The following SANBR variants were observed in gnomAD, a reference collection of about 807,000 sequenced individuals.
SANBR encodes SANT and BTB domain regulator of class switch recombination.
A neutral mutation model predicts 101.8 loss-of-function variants in SANBR; 77 were observed. That is an observed-to-expected ratio of 0.76 (90% CI 0.63 to 0.91). The LOEUF (loss-of-function observed/expected upper bound fraction) is 0.91, where lower values mean the gene tolerates loss of function less well. Ranked by LOEUF, SANBR falls within the 40% of genes least tolerant of loss-of-function variation. SANBR has a pLI of 0.00. For missense variants in SANBR, 875 were observed against 853.0 expected (o/e 1.03, Z -0.32); for synonymous variants, 279 against 274.7 (o/e 1.02, Z -0.15).
intron 8 of SANBR, among the ~76,000 whole-genome samples, chr2:61,084,562 CAAAT>C (rs1283448060): frequency 6.6e-6 from 1 of 152,082 alleles, no homozygotes; most frequent in African/African-American, 2.4e-5. Context: ...CATTTCTAAA[CAAAT>C]AAAAATTATT....
chr2:61,089,044 T>C (rs1682602116), intron 10 of SANBR: 6 of 966,666 alleles, frequency 6.2e-6, no homozygotes, highest in Non-Finnish European at 7.4e-6. Flanking sequence ...GTATTCTGGT[T>C]AGTGCCTTTA....
intron 13 of SANBR, among the ~76,000 whole-genome samples, chr2:61,104,395 T>C (rs1683446092): frequency 6.7e-6 from 1 of 149,538 alleles, no homozygotes; most frequent in African/African-American, 2.5e-5. Flanking sequence ...GGCAGGAGAA[T>C]GGCGTGAACC....
At chr2:61,072,971 TAC>T (rs1327654798) in intron 4 of SANBR, among the ~76,000 whole-genome samples, 2 of 151,830 alleles carry the variant, frequency 1.3e-5, no homozygotes, top group Non-Finnish European at 2.9e-5. Context: ...GAACTACACG[TAC>T]ATGCTACTGT....
intron 4 of SANBR, 37 bp from the exon 5 acceptor site, chr2:61,073,421 C>CTT (rs368466121): frequency 4.8e-4 from 421 of 868,350 alleles, no homozygotes; most frequent in South Asian, 1.1e-3. Flanking sequence ...TAACCCCCAC[C>CTT]TTTTTTTTTT....
In SANBR at chr2:61,118,059, C is replaced by T; in HGVS notation, c.1971C>T (p.His657=). 1 of 1,613,346 alleles carries T rather than the reference C, an allele frequency of 6.2e-7. No homozygotes were observed. The highest frequency in any genetic ancestry group is 1.3e-5 in the African/African-American group (1 of 74,912). Residue 657 remains histidine (H), a synonymous_variant, in exon 20 of 22, where the codon CAC becomes CAT. Coordinates refer to ENST00000402291, the MANE Select transcript of SANBR (RefSeq NM_001129993.3). Reference sequence around the variant, plus strand: ...GGCGAATGACTGAAATTACAGGGCACCTAATAAAAATGAGATTGGGGGATC... The same window carrying T: ...GGCGAATGACTGAAATTACAGGGCATCTAATAAAAATGAGATTGGGGGATC... ...DQRRMTEITG[H]LIKMRLGDLD...
chr2:61,107,830 G>A (rs560086825), intron 14 of SANBR, among the ~76,000 whole-genome samples: 1 of 151,718 alleles, frequency 6.6e-6, no homozygotes, highest in Admixed American at 6.6e-5. Flanking sequence ...AGGTTGCAGT[G>A]AGTGGAGATC....
At chr2:61,077,184 T>G (rs1303170462) in intron 6 of SANBR, 26 bp downstream of exon 6, 1 of 1,515,292 alleles carries the variant, frequency 6.6e-7, no homozygotes, top group East Asian at 2.3e-5. Flanking sequence ...TTGCTTAATT[T>G]GTAGTGAAAT....
At chr2:61,087,125 A>C (rs971361824) in intron 8 of SANBR, among the ~76,000 whole-genome samples, 1 of 152,210 alleles carries the variant, frequency 6.6e-6, no homozygotes, top group African/African-American at 2.4e-5. Context: ...GAGATTGGAC[A>C]TACTAACCAC....
Position 61,116,017 on chromosome 2 carries a change from A to G in SANBR, c.1783A>G (p.Lys595Glu), listed in dbSNP as rs747579819. Residue 595 changes from lysine (K) to glutamate (E), a missense_variant, in exon 17 of 22, where the codon AAA becomes GAA. By Grantham distance (56) the Lys-to-Glu change is moderately conservative (BLOSUM62 1). Coordinates refer to ENST00000402291, the MANE Select transcript of SANBR (RefSeq NM_001129993.3). ...GCCAAAGAAGTTCACTAGACAACCA[A>G]AAAAGCAGGTATCTTCACCCTGTGC... is the stretch of plus-strand genomic sequence containing the variant. ...EKPKKFTRQP[K>E]KQVSSPCAQR... 7.4e-6 allele frequency: 12 copies of G among 1,612,736 alleles called. No individual in the cohort carries two copies. The highest frequency in any genetic ancestry group is 4.4e-5 in the South Asian group (4 of 90,806).
chr2:61,099,204 A>G (rs1196822621), intron 12 of SANBR, among the ~76,000 whole-genome samples: 2 of 152,344 alleles, frequency 1.3e-5, no homozygotes, highest in South Asian at 4.1e-4. Flanking sequence ...CTCATAAGCC[A>G]TGTTCAAGTT....
Position 61,089,148 on chromosome 2 carries a change from G to T in SANBR, c.1088+680G>T, listed in dbSNP as rs1682608060. ...CCAAATTTACTTTCAGGTAAATTTTGGTGAGGAAAATTGTCTTTAGCATTG... is the reference window on the plus strand; with the variant it reads ...CCAAATTTACTTTCAGGTAAATTTTTGTGAGGAAAATTGTCTTTAGCATTG... On this transcript the variant is annotated intron_variant, in intron 10 of 21. Coordinates refer to ENST00000402291, the MANE Select transcript of SANBR (RefSeq NM_001129993.3). 4 of 984,698 alleles carry T rather than the reference G, an allele frequency of 4.1e-6. No individual in the cohort carries two copies. In the East Asian group the frequency reaches 4.5e-4, roughly 112 times the overall value. 61.0% of individuals were successfully genotyped at this position (984,698 alleles called of 1,614,324 possible).
At chr2:61,094,808 T>C (rs1332494655) in intron 11 of SANBR, among the ~76,000 whole-genome samples, 1 of 152,102 alleles carries the variant, frequency 6.6e-6, no homozygotes, top group Admixed American at 6.5e-5. Flanking sequence ...ATCACCCGCC[T>C]AATTTTTTGT....
intron 5 of SANBR, 83 bp downstream of exon 5, chr2:61,073,634 A>G (rs983891265): frequency 2.6e-6 from 2 of 755,806 alleles, no homozygotes; most frequent in Non-Finnish European, 4.2e-6. Flanking sequence ...ACCATAAGGT[A>G]GGAATTTCAT....
At chr2:61,092,663 G>A in intron 11 of SANBR, 76 bp downstream of exon 11, 1 of 1,194,158 alleles carries the variant, frequency 8.4e-7, no homozygotes, top group Non-Finnish European at 1.2e-6. Context: ...CTGTTTAATT[G>A]ATATGTTTAA....
intron 10 of SANBR, among the ~76,000 whole-genome samples, chr2:61,089,902 C>G (rs1374385993): frequency 1.3e-5 from 2 of 152,046 alleles, no homozygotes; most frequent in Non-Finnish European, 2.9e-5. Context: ...AAGAGATCTT[C>G]TTGCCTGTAT....
Position 61,092,661 on chromosome 2 carries a change from T to C in SANBR, c.1212+74T>C, listed in dbSNP as rs570355202. 1.1e-4 allele frequency: 132 copies of C among 1,197,346 alleles called. No homozygotes were observed. The African/African-American group carries it at 1.9e-3, about 17-fold the overall frequency. The allele number at this position is 1,197,346 out of a possible 1,614,324, so 74.2% of individuals were successfully genotyped here. On this transcript the variant is annotated intron_variant, in intron 11 of 21. Coordinates refer to ENST00000402291, the MANE Select transcript of SANBR (RefSeq NM_001129993.3). The stretch of plus-strand genomic sequence containing the variant: ...GATTATTTTGATATCTGCTGTTTAA[T>C]TGATATGTTTAAATGTGTTTTGACA...
chr2:61,102,728 G>A (rs1313266159), intron 12 of SANBR, among the ~76,000 whole-genome samples: 1 of 151,930 alleles, frequency 6.6e-6, no homozygotes, highest in Non-Finnish European at 1.5e-5. Flanking sequence ...ATCGGAGACA[G>A]GGTTTCACCA....
intron 8 of SANBR, among the ~76,000 whole-genome samples, chr2:61,084,400 C>A (rs1183927557): frequency 6.6e-6 from 1 of 151,894 alleles, no homozygotes; most frequent in East Asian, 1.9e-4. Flanking sequence ...ATGAACATAT[C>A]GTGATAGTGA....
At chr2:61,118,301 G>C (rs146396950) in intron 20 of SANBR, among the ~76,000 whole-genome samples, 185 bp downstream of exon 20, 1 of 152,118 alleles carries the variant, frequency 6.6e-6, no homozygotes, top group Non-Finnish European at 1.5e-5. Flanking sequence ...GAATGCAGTG[G>C]TGCAATCTCG....
Sources: gnomAD v4.1 joint callset for allele counts (sites outside exome capture counted in the v4.1 genomes callset) on GRCh38, gnomAD v4.1.1 for gene constraint, MANE v1.5 for transcripts, NCBI Gene and HGNC (gene_info 2026-07-23, HGNC 2026-07-21) for gene names.